TNFSF4: variants seen among roughly 807,000 people sequenced by gnomAD.
TNFSF4 encodes the protein tumor necrosis factor ligand superfamily member 4.
Under a neutral mutation model 7.3 loss-of-function variants are expected in TNFSF4, and 4 were observed. The ratio of observed to expected loss-of-function variants is 0.55; its 90% CI spans 0.27 to 1.25. TNFSF4 has a LOEUF of 1.25. TNFSF4 is among the 50% of genes most tolerant of loss of function. TNFSF4 has a pLI of 0.12. For missense variants in TNFSF4, 181 were observed against 208.8 expected, an observed-to-expected ratio of 0.87 and a Z score of 0.82; for synonymous variants, 76 against 83.7, an observed-to-expected ratio of 0.91 and a Z score of 0.50.
At chr1:173,396,966 G>A in the TNFSF4 span, among the ~76,000 whole-genome samples, 1 of 152,198 alleles carries the variant, frequency 6.6e-6, no homozygotes, top group African/African-American at 2.4e-5. Context: ...AATGCAGTGA[G>A]AGTAATTGGA....
At chr1:173,235,261 G>C in the TNFSF4 span, among the ~76,000 whole-genome samples, 1 of 152,094 alleles carries the variant, frequency 6.6e-6, no homozygotes. Context: ...AATTAGGTAC[G>C]TGGACACATT....
At chr1:173,374,072 A>G in the TNFSF4 span, among the ~76,000 whole-genome samples, 14 of 152,262 alleles carry the variant, frequency 9.2e-5, no homozygotes, top group East Asian at 2.3e-3. Flanking sequence ...CTCATCTCCC[A>G]TGGCCTACTC....
the TNFSF4 span, among the ~76,000 whole-genome samples, chr1:173,268,182 T>C: frequency 3.3e-5 from 5 of 151,846 alleles, no homozygotes; most frequent in African/African-American, 1.2e-4. Flanking sequence ...AGAGCAAAAA[T>C]GGTAACAGGA....
intron 1 of TNFSF4, among the ~76,000 whole-genome samples, chr1:173,199,386 C>T (rs993808228): frequency 2.0e-5 from 3 of 152,138 alleles, no homozygotes; most frequent in African/African-American, 7.2e-5. Flanking sequence ...AACATGCAGT[C>T]AACTGGATTA....
the TNFSF4 span, among the ~76,000 whole-genome samples, chr1:173,234,418 C>T: frequency 6.6e-6 from 1 of 152,102 alleles, no homozygotes; most frequent in Non-Finnish European, 1.5e-5. Context: ...TTAGAAATAC[C>T]ATTTTACCCA....
At chr1:173,230,629 T>C in the TNFSF4 span, among the ~76,000 whole-genome samples, 1 of 151,958 alleles carries the variant, frequency 6.6e-6, no homozygotes, top group East Asian at 1.9e-4. Context: ...AAAAAATCAA[T>C]GAATCTAGGA....
At chr1:173,284,889 A>G in the TNFSF4 span, among the ~76,000 whole-genome samples, 3 of 152,246 alleles carry the variant, frequency 2.0e-5, no homozygotes, top group South Asian at 2.1e-4. Flanking sequence ...AAGAAGACAA[A>G]TGTTGTTTTC....
chr1:173,216,569 G>C, the TNFSF4 span, among the ~76,000 whole-genome samples: 2 of 152,156 alleles, frequency 1.3e-5, no homozygotes, highest in Non-Finnish European at 2.9e-5. Context: ...CTTATGATCA[G>C]AGACTGAGGG....
the TNFSF4 span, among the ~76,000 whole-genome samples, chr1:173,266,997 T>C: frequency 4.6e-5 from 7 of 152,178 alleles, no homozygotes; most frequent in African/African-American, 1.2e-4. Flanking sequence ...GTGTTCTCAA[T>C]GTGGAAAAGA....
chr1:173,334,570 G>A, the TNFSF4 span, among the ~76,000 whole-genome samples: 1 of 152,154 alleles, frequency 6.6e-6, no homozygotes, highest in Non-Finnish European at 1.5e-5. Context: ...TACAACACAA[G>A]TTGAACTTTC....
chr1:173,211,867 C>T (rs914333203), upstream of TNFSF4, among the ~76,000 whole-genome samples: 1 of 152,174 alleles, frequency 6.6e-6, no homozygotes, highest in Non-Finnish European at 1.5e-5. Flanking sequence ...CTCCTAATAC[C>T]TTCACTCTAG....
the TNFSF4 span, among the ~76,000 whole-genome samples, chr1:173,416,980 C>A: frequency 6.6e-6 from 1 of 152,168 alleles, no homozygotes; most frequent in African/African-American, 2.4e-5. Flanking sequence ...GTCTTTTAAT[C>A]ATCACAATAT....
the TNFSF4 span, among the ~76,000 whole-genome samples, chr1:173,306,114 T>C: frequency 6.6e-6 from 1 of 151,640 alleles, no homozygotes; most frequent in Non-Finnish European, 1.5e-5. Context: ...TGGCATCTTA[T>C]AATCATAATT....
the TNFSF4 span, among the ~76,000 whole-genome samples, chr1:173,234,871 C>T: frequency 6.6e-6 from 1 of 152,032 alleles, no homozygotes; most frequent in Non-Finnish European, 1.5e-5. Context: ...TGCAGCACAC[C>T]AACATGGCAC....
At chr1:173,352,180 G>A in the TNFSF4 span, among the ~76,000 whole-genome samples, 3 of 152,272 alleles carry the variant, frequency 2.0e-5, no homozygotes, top group Admixed American at 6.5e-5. Context: ...TCACATCCAC[G>A]GGGATGCAGC....
chr1:173,233,483 A>G, the TNFSF4 span, among the ~76,000 whole-genome samples: 10 of 152,214 alleles, frequency 6.6e-5, no homozygotes, highest in East Asian at 7.7e-4. Flanking sequence ...AGAGAATGCC[A>G]CAAAGATACT....
the TNFSF4 span, among the ~76,000 whole-genome samples, chr1:173,353,012 A>G: frequency 3.7e-4 from 56 of 152,316 alleles, no homozygotes; most frequent in East Asian, 0.01. Flanking sequence ...GGTCACAGGC[A>G]GTCAGACCCA....
At chr1:173,335,909 C>T in the TNFSF4 span, among the ~76,000 whole-genome samples, 1 of 152,180 alleles carries the variant, frequency 6.6e-6, no homozygotes, top group Non-Finnish European at 1.5e-5. Flanking sequence ...GACTACTGAA[C>T]ACTGGTTCTG....
the TNFSF4 span, among the ~76,000 whole-genome samples, chr1:173,361,057 T>C: frequency 6.6e-6 from 1 of 152,238 alleles, no homozygotes; most frequent in African/African-American, 2.4e-5. Context: ...ACTCATCTTG[T>C]GCAGCTTACT....
Sources: gnomAD v4.1 joint callset for allele counts (sites outside exome capture counted in the v4.1 genomes callset) on GRCh38, gnomAD v4.1.1 for gene constraint, MANE v1.5 for transcripts, NCBI Gene and HGNC (gene_info 2026-07-23, HGNC 2026-07-21) for gene names.